The following UBXN4 variants were observed in gnomAD, a reference collection of about 807,000 sequenced individuals.
UBXN4 encodes the protein UBX domain-containing protein 4.
A neutral mutation model predicts 66.2 loss-of-function variants in UBXN4; 35 were observed. The observed-to-expected ratio is 0.53, with a 90% CI of 0.40 to 0.70. UBXN4 has a LOEUF of 0.70. UBXN4 is among the 30% of genes least tolerant of loss of function. The pLI is 0.00. For missense variants in UBXN4, 533 were observed against 599.8 expected (o/e 0.89, Z 1.16); for synonymous variants, 203 against 204.5 (o/e 0.99, Z 0.06).
At chr2:135,748,396 A>G (rs1418702766) in intron 2 of UBXN4, 27 bp downstream of exon 2, 1 of 1,454,304 alleles carries the variant, frequency 6.9e-7, no homozygotes, top group Non-Finnish European at 9.2e-7. Flanking sequence ...ATATTTTATT[A>G]ATTTTAAAAT....
chr2:135,753,338 C>G (rs564629061), intron 2 of UBXN4, among the ~76,000 whole-genome samples: 3 of 152,266 alleles, frequency 2.0e-5, no homozygotes, highest in South Asian at 2.1e-4. Context: ...ATAATTCTTT[C>G]ATTTGAAAAT....
intron 5 of UBXN4, among the ~76,000 whole-genome samples, chr2:135,757,747 A>G (rs1298591436): frequency 2.6e-5 from 4 of 151,962 alleles, no homozygotes; most frequent in Non-Finnish European, 5.9e-5. Flanking sequence ...TGAGGTGAGT[A>G]GCAGCTCTAA....
At chr2:135,772,906 G>A (rs142243529) in intron 9 of UBXN4, among the ~76,000 whole-genome samples, 4,825 of 152,018 alleles carry the variant, frequency 0.032, 239 homozygotes, top group African/African-American at 0.11. Flanking sequence ...GCATGGTGGC[G>A]GGCGCCTGTA....
In UBXN4 at chr2:135,776,299, A is replaced by G. The variant is rs773738586; in HGVS notation, c.1001A>G (p.Asn334Ser). The stretch of plus-strand genomic sequence containing the variant: ...CTTCCTGATGGTTCTTCCTTTACAA[A>G]TCAGTTCCCTTCTGATGCTCCTCTA... ...FRLPDGSSFT[N>S]QFPSDAPLEE... Residue 334 changes from asparagine to serine, a missense_variant, in exon 10 of 13, where the codon AAT becomes AGT. Around this residue, in one of 2 missense-constraint regions of UBXN4, gnomAD observed 529 missense variants for 580.1 expected, o/e 0.91. Transcript: ENST00000272638. 5.0e-6 allele frequency: 8 copies of G among 1,614,050 alleles called. 1 individual carries two copies. In the South Asian group the frequency reaches 7.7e-5, roughly 16 times the overall value.
chr2:135,770,464 C>A (rs2304601), intron 7 of UBXN4, 107 bp from the exon 8 acceptor site: 120,748 of 746,180 alleles, frequency 0.16, 11,743 homozygotes, highest in Middle Eastern at 0.41. Flanking sequence ...TCTAGACTTA[C>A]ATTTTATGAA....
intron 6 of UBXN4, among the ~76,000 whole-genome samples, chr2:135,766,333 T>C (rs2077347638): frequency 1.3e-5 from 2 of 152,160 alleles, no homozygotes; most frequent in African/African-American, 4.8e-5. Context: ...ATGGTGTATA[T>C]TTTCAGATAC....
At chr2:135,751,490 A>G (rs533893471) in intron 2 of UBXN4, among the ~76,000 whole-genome samples, 2 of 151,618 alleles carry the variant, frequency 1.3e-5, no homozygotes, top group African/African-American at 4.8e-5. Context: ...GCCTGGCCTT[A>G]AAAACAAATT....
rs2077265755 is a variant in UBXN4, at chr2:135,754,276, A to G, written c.332A>G (p.Gln111Arg). 2 of 1,608,300 alleles carry G rather than the reference A, an allele frequency of 1.2e-6. No homozygotes were observed. Among genetic ancestry groups the G allele is most frequent in the Admixed American group, 1.7e-5 (1 of 59,820 alleles). Residue 111 changes from glutamine to arginine, a missense_variant and splice_region_variant, in exon 4 of 13, where the codon CAG becomes CGG. By Grantham distance (43) the Gln-to-Arg change is conservative. Coordinates refer to ENST00000272638, the MANE Select transcript of UBXN4 (RefSeq NM_014607.4). The part of the protein sequence containing the change: ...ELVTRIHKVR[Q>R]MHLLKSETSV... Reference sequence around the variant, plus strand: ...GTTACAAGAATTCACAAGGTCCGACAGGTAAGAAGGAACAGAACTGTTGTT... The same window carrying G: ...GTTACAAGAATTCACAAGGTCCGACGGGTAAGAAGGAACAGAACTGTTGTT...
rs562516300 is a variant in UBXN4, at chr2:135,748,263, A to G, written c.83-4A>G. On this transcript the variant is annotated splice_region_variant and splice_polypyrimidine_tract_variant and intron_variant, in intron 1 of 12. Coordinates refer to ENST00000272638, the MANE Select transcript of UBXN4 (RefSeq NM_014607.4). ...GGTATAAGAATTTTTGAAATGTTTTACAGGTGATGATGAACAGTCTACACA... is the reference window on the plus strand; with the variant it reads ...GGTATAAGAATTTTTGAAATGTTTTGCAGGTGATGATGAACAGTCTACACA... 28 of 1,557,536 alleles carry G rather than the reference A, an allele frequency of 1.8e-5. No individual in the cohort carries two copies. The highest frequency in any genetic ancestry group is 4.1e-5 in the African/African-American group (3 of 72,356).
intron 2 of UBXN4, among the ~76,000 whole-genome samples, chr2:135,752,783 C>T (rs531698345): frequency 8.6e-5 from 13 of 152,020 alleles, no homozygotes; most frequent in Non-Finnish European, 1.6e-4. Flanking sequence ...TGCAGTGGCG[C>T]GATCTTGGCT....
Position 135,755,575 on chromosome 2 carries a change from T to C in UBXN4, c.392T>C (p.Val131Ala). 1.2e-6 allele frequency: 2 copies of C among 1,608,228 alleles called. No individual in the cohort carries two copies. The highest frequency in any genetic ancestry group is 1.7e-6 in the Non-Finnish European group (2 of 1,177,048). ...VANGSQSESS[V>A]STPSASFEPN... ...AATGGCAGTCAGTCAGAAAGTTCAG[T>C]GTCTACTCCATCTGCGTCATTTGAA... Residue 131 changes from valine to alanine, a missense_variant, in exon 5 of 13, where the codon GTG (valine) becomes GCG (alanine). Coordinates refer to ENST00000272638, the MANE Select transcript of UBXN4 (RefSeq NM_014607.4).
At chr2:135,773,413 G>A (rs2105506659) in intron 9 of UBXN4, among the ~76,000 whole-genome samples, 1 of 152,324 alleles carries the variant, frequency 6.6e-6, no homozygotes, top group South Asian at 2.1e-4. Context: ...AGACAGAAGA[G>A]ATTAACCTTT....
Position 135,780,263 on chromosome 2 carries a change from C to T in UBXN4, c.1266C>T (p.Phe422=), listed in dbSNP as rs141635124. ...TGTTGGGAACAGTGCTTTATCCATT[C>T]CTTGCCATCTGGAGATTAATTAGCA... ...WTLLGTVLYP[F]LAIWRLISNF... Residue 422 remains phenylalanine, a synonymous_variant, in exon 12 of 13, where the codon TTC becomes TTT. Coordinates refer to ENST00000272638, the MANE Select transcript of UBXN4 (RefSeq NM_014607.4). 6.2e-7 allele frequency: 1 copy of T among 1,614,192 alleles called. No individual in the cohort carries two copies. Among genetic ancestry groups the T allele is most frequent in the Non-Finnish European group, 8.5e-7 (1 of 1,180,042 alleles).
intron 5 of UBXN4, among the ~76,000 whole-genome samples, chr2:135,759,448 C>A (rs2077298635): frequency 6.6e-6 from 1 of 152,044 alleles, no homozygotes; most frequent in African/African-American, 2.4e-5. Flanking sequence ...ATATAGATTT[C>A]TGCTCTCCCT....
intron 1 of UBXN4, chr2:135,747,840 C>T (rs916358843): frequency 8.4e-6 from 3 of 356,186 alleles, no homozygotes; most frequent in East Asian, 7.8e-5. Context: ...AGTCTGGTCT[C>T]GAATTCCTGG....
chr2:135,769,891 C>A, intron 7 of UBXN4, 68 bp downstream of exon 7: 1 of 1,283,290 alleles, frequency 7.8e-7, no homozygotes, highest in South Asian at 1.4e-5. Context: ...TTATTCTATT[C>A]AGTGTGGCAG....
intron 11 of UBXN4, among the ~76,000 whole-genome samples, chr2:135,779,980 T>C (rs1466122525): frequency 2.0e-5 from 3 of 150,216 alleles, no homozygotes; most frequent in Non-Finnish European, 4.4e-5. Flanking sequence ...TGTATAATAT[T>C]GTATATTTAT....
intron 1 of UBXN4, among the ~76,000 whole-genome samples, chr2:135,745,183 A>G (rs534237356): frequency 1.3e-5 from 2 of 152,352 alleles, no homozygotes; most frequent in East Asian, 1.9e-4. Context: ...TGGATAAACC[A>G]TAAATATGAG....
rs1248350202 is a variant in UBXN4, at chr2:135,783,734, T to G, written c.*847T>G. On this transcript the variant is annotated 3_prime_UTR_variant, in exon 13 of 13. Coordinates refer to ENST00000272638, the MANE Select transcript of UBXN4 (RefSeq NM_014607.4). ...TTTCCCTCTCACCTTTAACTGACGT[T>G]TTGTCCTCAATAATTACACAAGGAC... 1 of 152,172 alleles carries G rather than the reference T, an allele frequency of 6.6e-6. No homozygotes were observed. Among genetic ancestry groups the G allele is most frequent in the African/African-American group, 2.4e-5 (1 of 41,448 alleles). 9.4% of individuals were successfully genotyped at this position (152,172 alleles called of 1,614,324 possible).
Sources: allele counts gnomAD v4.1 joint callset (sites outside exome capture counted in the v4.1 genomes callset), GRCh38; gene constraint gnomAD v4.1.1; regional missense constraint gnomAD v4.1.1; transcripts MANE v1.5; gene names NCBI Gene and HGNC (gene_info 2026-07-23, HGNC 2026-07-21).